MAML3: variants seen among roughly 807,000 people sequenced by gnomAD.
MAML3 encodes the protein mastermind-like protein 3.
In MAML3, 27 loss-of-function variants were observed where a neutral mutation model predicts 101.9. That is an observed-to-expected ratio of 0.27 (90% CI 0.20 to 0.37). The LOEUF (loss-of-function observed/expected upper bound fraction) is 0.37. Ranked by LOEUF, MAML3 falls within the 10% of genes least tolerant of loss-of-function variation. MAML3 has a pLI of 1.00. For missense variants in MAML3, 1,316 were observed against 1,444.9 expected (o/e 0.91, Z 1.45); for synonymous variants, 501 against 555.9 (o/e 0.90, Z 1.39).
intron 1 of MAML3, among the ~76,000 whole-genome samples, chr4:139,955,553 C>G: frequency 6.6e-6 from 1 of 152,108 alleles, no homozygotes; most frequent in East Asian, 1.9e-4. Context: ...CATTTGTTTT[C>G]TCTTTTTTCA....
intron 2 of MAML3, among the ~76,000 whole-genome samples, chr4:139,880,007 T>C (rs1368204286): frequency 6.6e-6 from 1 of 152,058 alleles, no homozygotes; most frequent in Admixed American, 6.6e-5. Context: ...ACCCCATCTC[T>C]ACTAAAATAC....
In MAML3 at chr4:139,730,504, G is replaced by T; in HGVS notation, c.2243C>A (p.Ala748Asp). 6.4e-7 allele frequency: 1 copy of T among 1,555,606 alleles called. No homozygotes were observed. The highest frequency in any genetic ancestry group is 8.7e-7 in the Non-Finnish European group (1 of 1,149,398). ...TTGCTTCTGCTGCTCTATCAACTGG[G>T]CCCGCTGATCAATGAGCATCTGCTT... ...IMKQMLIDQR[A>D]QLIEQQKQQF... The change falls in exon 3 of 5, where the codon GCC (alanine) becomes GAC (aspartate). Residue 748 changes from alanine (A) to aspartate (D), a missense_variant. Transcript: ENST00000509479.
At chr4:139,780,894 G>A (rs1578597848) in intron 2 of MAML3, among the ~76,000 whole-genome samples, 1 of 152,280 alleles carries the variant, frequency 6.6e-6, no homozygotes, top group East Asian at 1.9e-4. Context: ...TGCCCAAAGT[G>A]CTGGGATTAC....
chr4:140,058,619 T>A (rs1282501269), intron 1 of MAML3, among the ~76,000 whole-genome samples: 2 of 149,974 alleles, frequency 1.3e-5, no homozygotes, highest in African/African-American at 4.9e-5. Flanking sequence ...AGTATTTGTA[T>A]CTTGCCTGTC....
At chr4:139,832,094 C>CTTTTGTTTTTTTT (rs1731175547) in intron 2 of MAML3, among the ~76,000 whole-genome samples, 1 of 64,680 alleles carries the variant, frequency 1.5e-5, no homozygotes, top group Non-Finnish European at 3.3e-5. Flanking sequence ...TGCCCAGCCC[C>CTTTTGTTTTTTTT]TTTTTTTTTT....
chr4:139,760,946 C>CTTTCT (rs1729744700), intron 2 of MAML3, among the ~76,000 whole-genome samples: 1 of 152,074 alleles, frequency 6.6e-6, no homozygotes, highest in Non-Finnish European at 1.5e-5. Context: ...TAGAGGACAG[C>CTTTCT]TTTCTTTTCT....
intron 4 of MAML3, among the ~76,000 whole-genome samples, chr4:139,721,866 T>C (rs763673118): frequency 1.3e-5 from 2 of 152,236 alleles, no homozygotes; most frequent in Non-Finnish European, 2.9e-5. Flanking sequence ...TGTAATATTG[T>C]CATGCAGTTT....
rs2110946343 is a variant in MAML3, at chr4:139,717,825, C to T, written c.*1498G>A. The stretch of plus-strand genomic sequence containing the variant: ...GGACGACACCGAAGCCACAAGTCCT[C>T]CAAAAGGGGGATTGGGAGGGGAGGC... On this transcript the variant is annotated 3_prime_UTR_variant, in exon 5 of 5. Transcript: ENST00000509479. 6.6e-6 allele frequency: 1 copy of T among 152,406 alleles called. No individual in the cohort carries two copies. Among genetic ancestry groups the T allele is most frequent in the African/African-American group, 2.4e-5 (1 of 41,564 alleles). The allele number at this position is 152,406 out of a possible 1,614,324, so 9.4% of individuals were successfully genotyped here.
At chr4:140,080,424 C>CA (rs1244905787) in intron 1 of MAML3, among the ~76,000 whole-genome samples, 1 of 152,138 alleles carries the variant, frequency 6.6e-6, no homozygotes, top group Non-Finnish European at 1.5e-5. Flanking sequence ...CCACAGGGCA[C>CA]AGAAATTTAA....
chr4:139,786,638 A>T (rs180876403), intron 2 of MAML3, among the ~76,000 whole-genome samples: 330 of 152,344 alleles, frequency 2.2e-3, no homozygotes, highest in Non-Finnish European at 3.8e-3. Context: ...GAGCCAATCA[A>T]TCAGTTCTCC....
At chr4:139,739,607 C>G (rs1206364207) in intron 2 of MAML3, among the ~76,000 whole-genome samples, 3 of 151,006 alleles carry the variant, frequency 2.0e-5, no homozygotes, top group African/African-American at 7.3e-5. Context: ...AAAAATCATG[C>G]CTCCTTAGAC....
chr4:139,773,065 AT>A (rs1191123992), intron 2 of MAML3, among the ~76,000 whole-genome samples: 1 of 152,192 alleles, frequency 6.6e-6, no homozygotes, highest in Non-Finnish European at 1.5e-5. Flanking sequence ...GTCTAAGCAT[AT>A]GCCCAGATTT....
At chr4:139,730,325 AT>A in intron 3 of MAML3, 90 bp downstream of exon 3, 3 of 1,125,328 alleles carry the variant, frequency 2.7e-6, no homozygotes, top group Non-Finnish European at 3.9e-6. Context: ...TTGATGGAGG[AT>A]GTGAACTGCC....
At chr4:139,738,556 A>C (rs141692741) in intron 2 of MAML3, among the ~76,000 whole-genome samples, 9 of 152,348 alleles carry the variant, frequency 5.9e-5, no homozygotes, top group East Asian at 5.8e-4. Flanking sequence ...AACAAACAAA[A>C]AAAAGGTCTT....
At chr4:140,120,359 G>A (rs1728588316) in intron 1 of MAML3, among the ~76,000 whole-genome samples, 1 of 151,616 alleles carries the variant, frequency 6.6e-6, no homozygotes, top group South Asian at 2.1e-4. Context: ...TATACAAAAA[G>A]CTAGATGATG....
chr4:139,867,910 T>C (rs1405531983), intron 2 of MAML3, among the ~76,000 whole-genome samples: 2 of 152,228 alleles, frequency 1.3e-5, no homozygotes, highest in African/African-American at 2.4e-5. Flanking sequence ...CCCGGGACTC[T>C]TAAACAAAAA....
At chr4:140,059,881 A>G (rs1016343165) in intron 1 of MAML3, among the ~76,000 whole-genome samples, 1 of 152,242 alleles carries the variant, frequency 6.6e-6, no homozygotes, top group Admixed American at 6.5e-5. Flanking sequence ...AAAGGCATCT[A>G]AAGCATTGGC....
intron 1 of MAML3, among the ~76,000 whole-genome samples, chr4:140,004,184 GTC>G (rs1365886266): frequency 6.6e-6 from 1 of 152,186 alleles, no homozygotes; most frequent in Non-Finnish European, 1.5e-5. Flanking sequence ...GTCACACTTT[GTC>G]TCATATTAAC....
At chr4:139,931,850 A>G (rs1052431059) in intron 1 of MAML3, among the ~76,000 whole-genome samples, 4 of 149,376 alleles carry the variant, frequency 2.7e-5, no homozygotes, top group Admixed American at 2.6e-4. Context: ...TCTCTACTAA[A>G]AAAAAAAAAA....
Sources: allele counts gnomAD v4.1 joint callset (sites outside exome capture counted in the v4.1 genomes callset), GRCh38; gene constraint gnomAD v4.1.1; transcripts MANE v1.5; gene names NCBI Gene and HGNC (gene_info 2026-07-23, HGNC 2026-07-21).